The following ZDHHC14 variants were observed in gnomAD, a reference collection of about 807,000 sequenced individuals.
ZDHHC14 encodes zDHHC palmitoyltransferase 14, also known as palmitoyltransferase ZDHHC14.
In ZDHHC14, 16 loss-of-function variants were observed where a neutral mutation model predicts 47.7. The observed-to-expected ratio is 0.34, with a 90% confidence interval of 0.23 to 0.51. The LOEUF (loss-of-function observed/expected upper bound fraction) is 0.51. ZDHHC14 is among the 20% of genes least tolerant of loss of function. The probability of loss-of-function intolerance (pLI) is 0.97; values close to 1 mark genes in which losing one functional copy is unlikely to be tolerated. For synonymous variants in ZDHHC14, 293 were observed against 278.9 expected (o/e 1.05, Z -0.50); for missense variants, 515 against 662.5 (o/e 0.78, Z 2.44).
intron 1 of ZDHHC14, among the ~76,000 whole-genome samples, chr6:157,482,175 C>A (rs1317941778): frequency 6.6e-6 from 1 of 152,064 alleles, no homozygotes; most frequent in Admixed American, 6.6e-5. Context: ...ATAAACTTGG[C>A]CTCTGATAGT....
At chr6:157,412,375 C>T (rs1777887525) in intron 1 of ZDHHC14, among the ~76,000 whole-genome samples, 1 of 152,094 alleles carries the variant, frequency 6.6e-6, no homozygotes, top group Non-Finnish European at 1.5e-5. Context: ...TCACTATAAC[C>T]TCTACCTCCT....
chr6:157,432,637 C>T (rs377079837), intron 1 of ZDHHC14, among the ~76,000 whole-genome samples: 2 of 152,128 alleles, frequency 1.3e-5, no homozygotes, highest in South Asian at 2.1e-4. Context: ...TGACTTCCTG[C>T]GTGAGAGAAT....
At chr6:157,610,260 G>A (rs554432051) in intron 3 of ZDHHC14, among the ~76,000 whole-genome samples, 11 of 152,176 alleles carry the variant, frequency 7.2e-5, no homozygotes, top group South Asian at 4.2e-4. Flanking sequence ...GTGAAACCTC[G>A]TCTCTACTAA....
At chr6:157,426,744 T>C (rs1427206131) in intron 1 of ZDHHC14, among the ~76,000 whole-genome samples, 1 of 152,100 alleles carries the variant, frequency 6.6e-6, no homozygotes, top group East Asian at 1.9e-4. Context: ...GAAGCCGCAC[T>C]AGGAGGGAGT....
intron 3 of ZDHHC14, 114 bp from the exon 4 acceptor site, chr6:157,628,235 T>G: frequency 9.3e-7 from 1 of 1,077,608 alleles, no homozygotes; most frequent in Admixed American, 3.1e-5. Context: ...TGCAGAATAA[T>G]ATCATTGTGT....
chr6:157,411,601 GA>G lies in ZDHHC14; in HGVS notation c.245+29342del, dbSNP rs550656985. ...TTCTTACATAGAAGATAAGAGATGTGAAAAAAAGGTTAAGGTTAAGGAAAAT... is the reference window on the plus strand; with the variant it reads ...TTCTTACATAGAAGATAAGAGATGTGAAAAAAGGTTAAGGTTAAGGAAAAT... On this transcript the variant is annotated intron_variant, in intron 1 of 8. Coordinates refer to ENST00000359775, the MANE Select transcript of ZDHHC14 (RefSeq NM_024630.3). 1.6e-4 allele frequency among the ~76,000 whole-genome samples: 24 copies of G among 151,768 alleles called. No homozygotes were observed. In the South Asian group the frequency reaches 4.8e-3, roughly 30 times the overall value.
At chr6:157,390,689 T>C (rs1777404473) in intron 1 of ZDHHC14, among the ~76,000 whole-genome samples, 2 of 152,038 alleles carry the variant, frequency 1.3e-5, no homozygotes, top group South Asian at 4.1e-4. Context: ...TTTTGATATC[T>C]TTTTTTTATT....
intron 1 of ZDHHC14, among the ~76,000 whole-genome samples, chr6:157,489,680 C>G (rs1779866979): frequency 6.6e-6 from 1 of 152,184 alleles, no homozygotes; most frequent in Non-Finnish European, 1.5e-5. Flanking sequence ...CTGCAGATGT[C>G]TGAGATAAGA....
At chr6:157,466,452 A>G (rs986624000) in intron 1 of ZDHHC14, among the ~76,000 whole-genome samples, 5 of 152,260 alleles carry the variant, frequency 3.3e-5, no homozygotes, top group African/African-American at 1.2e-4. Context: ...TTGTTGACTC[A>G]GCAGTAAATG....
At chr6:157,419,309 T>A (rs1234412100) in intron 1 of ZDHHC14, among the ~76,000 whole-genome samples, 1 of 152,246 alleles carries the variant, frequency 6.6e-6, no homozygotes. Flanking sequence ...ATGTCATGCC[T>A]AATGTCATGT....
intron 1 of ZDHHC14, among the ~76,000 whole-genome samples, chr6:157,518,318 G>T (rs1780775390): frequency 6.7e-6 from 1 of 148,438 alleles, no homozygotes; most frequent in Non-Finnish European, 1.5e-5. Flanking sequence ...TTGGGCAGTA[G>T]CTCACAGGCA....
chr6:157,559,087 A>C (rs561732878), intron 2 of ZDHHC14, among the ~76,000 whole-genome samples: 2 of 152,238 alleles, frequency 1.3e-5, no homozygotes, highest in Admixed American at 1.3e-4. Flanking sequence ...CCACTCTTCC[A>C]TGATGATAAA....
chr6:157,465,850 T>C (rs1202074506), intron 1 of ZDHHC14, among the ~76,000 whole-genome samples: 1 of 152,084 alleles, frequency 6.6e-6, no homozygotes, highest in African/African-American at 2.4e-5. Flanking sequence ...AGGATCAGCC[T>C]GGCCCACACG....
At chr6:157,541,125 T>G (rs1781747205) in intron 1 of ZDHHC14, among the ~76,000 whole-genome samples, 1 of 152,076 alleles carries the variant, frequency 6.6e-6, no homozygotes, top group African/African-American at 2.4e-5. Context: ...TAGACAATAT[T>G]TTTTTGAGCT....
intron 1 of ZDHHC14, among the ~76,000 whole-genome samples, chr6:157,460,076 A>G (rs1779036246): frequency 7.4e-6 from 1 of 135,522 alleles, no homozygotes; most frequent in Admixed American, 7.6e-5. Context: ...AAAAAAAAAA[A>G]TAGCCAGGTC....
At chr6:157,403,931 G>A (rs1777694365) in intron 1 of ZDHHC14, among the ~76,000 whole-genome samples, 2 of 152,214 alleles carry the variant, frequency 1.3e-5, no homozygotes, top group Admixed American at 6.5e-5. Flanking sequence ...AGCATGGTGG[G>A]CACACAAACG....
chr6:157,651,209 G>C (rs993499169), intron 7 of ZDHHC14, among the ~76,000 whole-genome samples: 2 of 152,248 alleles, frequency 1.3e-5, no homozygotes, highest in South Asian at 4.1e-4. Context: ...GTGCTGGCAG[G>C]GTTGTACCCG....
chr6:157,419,400 G>A (rs936344935), intron 1 of ZDHHC14, among the ~76,000 whole-genome samples: 2 of 152,116 alleles, frequency 1.3e-5, no homozygotes, highest in Non-Finnish European at 2.9e-5. Context: ...AAACAAAAAA[G>A]CCTTCTAAAT....
chr6:157,448,634 G>T (rs750195764), intron 1 of ZDHHC14, among the ~76,000 whole-genome samples: 47 of 152,190 alleles, frequency 3.1e-4, no homozygotes, highest in Non-Finnish European at 5.1e-4. Flanking sequence ...CTAGTTGTGT[G>T]CTTGGCACAA....
Sources: gnomAD v4.1 joint callset for allele counts (sites outside exome capture counted in the v4.1 genomes callset) on GRCh38, gnomAD v4.1.1 for gene constraint, MANE v1.5 for transcripts, NCBI Gene and HGNC (gene_info 2026-07-23, HGNC 2026-07-21) for gene names.